The following CAMTA1 variants were observed in gnomAD, a reference collection of about 807,000 sequenced individuals.
The protein encoded by CAMTA1 is calmodulin-binding transcription activator 1.
In CAMTA1, 27 loss-of-function variants were observed where a neutral mutation model predicts 170.9. That is an observed-to-expected ratio of 0.16 (90% CI 0.12 to 0.22). The LOEUF is 0.22. CAMTA1 is among the 10% of genes least tolerant of loss of function. The probability of loss-of-function intolerance (pLI) is 1.00; values close to 1 mark genes in which losing one functional copy is unlikely to be tolerated. For missense variants in CAMTA1, 1,619 were observed against 2,217.2 expected, an observed-to-expected ratio of 0.73 and a Z score of 5.42; for synonymous variants, 833 against 891.5, an observed-to-expected ratio of 0.93 and a Z score of 1.17.
chr1:6,870,717 T>G (rs1293280847), intron 3 of CAMTA1, among the ~76,000 whole-genome samples: 7 of 152,182 alleles, frequency 4.6e-5, no homozygotes, highest in Admixed American at 4.6e-4. Context: ...CTGGTTATGC[T>G]CCTGCCATTT....
chr1:7,758,612 T>C (rs1251389335), intron 22 of CAMTA1, among the ~76,000 whole-genome samples: 2 of 152,220 alleles, frequency 1.3e-5, no homozygotes, highest in Non-Finnish European at 2.9e-5. Context: ...GAGGAAGATT[T>C]ATAGTCGTGG....
intron 3 of CAMTA1, among the ~76,000 whole-genome samples, chr1:6,896,539 T>C (rs899740977): frequency 6.6e-6 from 1 of 152,168 alleles, no homozygotes; most frequent in Admixed American, 6.5e-5. Context: ...TTTGCGGAAA[T>C]CTAAACTTTG....
At chr1:7,174,413 T>C (rs1650324884) in intron 4 of CAMTA1, among the ~76,000 whole-genome samples, 1 of 152,224 alleles carries the variant, frequency 6.6e-6, no homozygotes, top group Admixed American at 6.5e-5. Flanking sequence ...ATTATTTCTA[T>C]AAATCTTGGG....
intron 4 of CAMTA1, among the ~76,000 whole-genome samples, chr1:7,221,906 T>C (rs1174060826): frequency 4.7e-5 from 7 of 147,544 alleles, no homozygotes; most frequent in African/African-American, 1.5e-4. Context: ...AGCTGGTGCA[T>C]ACACACACAC....
At chr1:6,889,859 GCTTA>G (rs1674137424) in intron 3 of CAMTA1, among the ~76,000 whole-genome samples, 1 of 152,230 alleles carries the variant, frequency 6.6e-6, no homozygotes, top group African/African-American at 2.4e-5. Context: ...GGTTTGATCA[GCTTA>G]CTGTTTTTAG....
intron 4 of CAMTA1, among the ~76,000 whole-genome samples, chr1:7,149,998 G>A (rs1001748162): frequency 3.3e-5 from 5 of 152,180 alleles, no homozygotes; most frequent in African/African-American, 1.2e-4. Flanking sequence ...GGACTGCCCA[G>A]GACTCAAACA....
chr1:6,957,256 T>G (rs1348460374), intron 3 of CAMTA1, among the ~76,000 whole-genome samples: 1 of 152,166 alleles, frequency 6.6e-6, no homozygotes, highest in Non-Finnish European at 1.5e-5. Context: ...CTGGTGATGC[T>G]GACACTGGGG....
intron 5 of CAMTA1, among the ~76,000 whole-genome samples, chr1:7,315,860 C>A (rs550525547): frequency 2.6e-5 from 4 of 152,294 alleles, no homozygotes; most frequent in Admixed American, 2.0e-4. Flanking sequence ...GCCATCTCCT[C>A]CTCTGTCTTC....
rs143551206 is a variant in CAMTA1 at position 7,745,947 on chromosome 1, C to T, written c.4473C>T (p.Ser1491=). The change falls in exon 18 of 23, where the codon TCC becomes TCT. Residue 1491 remains serine, a synonymous_variant. Coordinates refer to ENST00000303635, the MANE Select transcript of CAMTA1 (RefSeq NM_015215.4). ...EIAFEKPNLP[S]AADWSEFLSA... is the part of the protein sequence containing the mutation. ...CTTTCGAGAAACCTAACCTTCCCTC[C>T]GCCGCGGATTGGTCAGAATTCCTGA... 1.6e-5 allele frequency: 26 copies of T among 1,614,190 alleles called. No individual in the cohort carries two copies. Among genetic ancestry groups the T allele is most frequent in the African/African-American group, 6.7e-5 (5 of 75,032 alleles).
chr1:7,647,421 G>A (rs919348952), intron 7 of CAMTA1, among the ~76,000 whole-genome samples: 3 of 152,290 alleles, frequency 2.0e-5, no homozygotes, highest in South Asian at 4.1e-4. Flanking sequence ...CCACCTGGTG[G>A]CCAGTGGCAG....
chr1:7,265,367 G>T (rs1574302457), intron 5 of CAMTA1, among the ~76,000 whole-genome samples: 1 of 152,024 alleles, frequency 6.6e-6, no homozygotes, highest in Non-Finnish European at 1.5e-5. Context: ...AGGTTAGAAT[G>T]TAGTAGCACT....
intron 4 of CAMTA1, among the ~76,000 whole-genome samples, chr1:7,100,885 C>T (rs1274188000): frequency 6.6e-6 from 1 of 152,188 alleles, no homozygotes; most frequent in Admixed American, 6.5e-5. Context: ...CATGTGTCTT[C>T]TTTGGATTTT....
intron 6 of CAMTA1, among the ~76,000 whole-genome samples, chr1:7,556,984 TGAG>T (rs1399806884): frequency 6.6e-6 from 1 of 152,092 alleles, no homozygotes; most frequent in African/African-American, 2.4e-5. Context: ...ATTCTTTAGA[TGAG>T]GAGATGGAGC....
rs1263998137 is a variant in CAMTA1 at position 7,093,988 on chromosome 1, A to G, written c.302+2617A>G. ...GCTTCCCATGCCGTCGGGTCTGTCC[A>G]TGCACAGGTGTCACTGTGCCTCTTA... On this transcript the variant is annotated intron_variant, in intron 4 of 22. Transcript: ENST00000303635. This position sits in a 1 kb window ranked among gnomAD's most constrained non-coding sequence, Gnocchi z 4.6. Among the ~76,000 whole-genome samples the G allele has an allele frequency of 6.6e-6, 1 of 152,182 alleles. No homozygotes were observed. Among genetic ancestry groups the G allele is most frequent in the Non-Finnish European group, 1.5e-5 (1 of 68,042 alleles).
Position 6,878,396 on chromosome 1 carries a change from A to G in CAMTA1, c.234+53186A>G, listed in dbSNP as rs74390488. Among the ~76,000 whole-genome samples the G allele has an allele frequency of 3.4e-3, 518 of 152,374 alleles. 6 individuals are homozygous for G. The highest frequency in any genetic ancestry group is 0.011 in the East Asian group (55 of 5,196). On this transcript the variant is annotated intron_variant, in intron 3 of 22. Transcript: ENST00000303635. Reference sequence around the variant, plus strand: ...GACGTGTGGTTTTGTGCTAGATCACAAAAGCTGACAAGGTGTTATTTAGGA... The same window carrying G: ...GACGTGTGGTTTTGTGCTAGATCACGAAAGCTGACAAGGTGTTATTTAGGA...
chr1:7,715,674 A>G (rs1164359509), intron 11 of CAMTA1, among the ~76,000 whole-genome samples: 3 of 152,230 alleles, frequency 2.0e-5, no homozygotes, highest in Non-Finnish European at 2.9e-5. Flanking sequence ...TGCTGGCCTC[A>G]GTAATTCATA....
Position 7,730,928 on chromosome 1 carries a change from C to CTA in CAMTA1, c.2915-1502_2915-1501dup, listed in dbSNP as rs148508017. ...TCTCAATCTCTCTCTCTCTCTCTCT[C>CTA]TATATATATATATATATATTTAACA... On this transcript the variant is annotated intron_variant, in intron 11 of 22. Transcript: ENST00000303635. Among the ~76,000 whole-genome samples, 867 of 114,204 alleles carry CTA rather than the reference C, an allele frequency of 7.6e-3. 5 individuals are homozygous for CTA. Among genetic ancestry groups the CTA allele is most frequent in the African/African-American group, 0.023 (744 of 31,728 alleles). The allele number at this position is 114,204 out of a possible 152,430, so 74.9% of individuals were successfully genotyped here.
At chr1:7,638,908 C>T (rs550110572) in intron 6 of CAMTA1, among the ~76,000 whole-genome samples, 14 of 152,232 alleles carry the variant, frequency 9.2e-5, no homozygotes, top group African/African-American at 1.4e-4. Flanking sequence ...GGGCAGAAAG[C>T]GACAGAGGAC....
At chr1:7,339,165 T>C (rs1405784604) in intron 5 of CAMTA1, among the ~76,000 whole-genome samples, 2 of 152,214 alleles carry the variant, frequency 1.3e-5, no homozygotes, top group African/African-American at 4.8e-5. Flanking sequence ...CCATACTGTG[T>C]ATTTCAAAAA....
Sources: gnomAD v4.1 joint callset for allele counts (sites outside exome capture counted in the v4.1 genomes callset) on GRCh38, gnomAD v4.1.1 for gene constraint, Gnocchi (gnomAD v3.1) non-coding constraint, MANE v1.5 for transcripts, NCBI Gene and HGNC (gene_info 2026-07-23, HGNC 2026-07-21) for gene names.